The following CDH2 variants were observed in gnomAD, a reference collection of about 807,000 sequenced individuals.
CDH2 encodes cadherin 2.
In CDH2, 17 loss-of-function variants were observed where a neutral mutation model predicts 92.0. The ratio of observed to expected loss-of-function variants is 0.18; its 90% confidence interval spans 0.13 to 0.28. The LOEUF is 0.28. CDH2 is among the 10% of genes least tolerant of loss of function. The pLI is 1.00. For missense variants in CDH2, 862 were observed against 1,133.1 expected, an observed-to-expected ratio of 0.76 and a Z score of 3.44; for synonymous variants, 419 against 415.9, an observed-to-expected ratio of 1.01 and a Z score of -0.09.
At chr18:28,027,577 G>A (rs1163541259) in intron 2 of CDH2, among the ~76,000 whole-genome samples, 4 of 151,924 alleles carry the variant, frequency 2.6e-5, no homozygotes. Context: ...AATAATTATG[G>A]TATCAAAAAT....
intron 1 of CDH2, among the ~76,000 whole-genome samples, chr18:28,176,585 C>T (rs1010683370): frequency 6.6e-6 from 1 of 152,104 alleles, no homozygotes; most frequent in Non-Finnish European, 1.5e-5. Context: ...AAAATTGGAG[C>T]AAAGTACTAT....
Position 27,951,636 on chromosome 18 carries a change from C to CAA in CDH2, c.*515_*516dup, listed in dbSNP as rs1909460026. On this transcript the variant is annotated 3_prime_UTR_variant, in exon 16 of 16. Coordinates refer to ENST00000269141, the MANE Select transcript of CDH2 (RefSeq NM_001792.5). ...AAGATTTTAGTGAAAAAAAAAAAAA[C>CAA]AAACTAAAGTCTAAAACTAGAAGTA... 7.9e-6 allele frequency: 1 copy of CAA among 127,384 alleles called. No homozygotes were observed. 7.9% of individuals were successfully genotyped at this position (127,384 alleles called of 1,614,324 possible). A position where few individuals can be genotyped will look rare whatever the true frequency, so the allele number is the denominator to read the frequency against.
At chr18:28,076,813 T>C (rs2014729416) in intron 2 of CDH2, among the ~76,000 whole-genome samples, 1 of 151,870 alleles carries the variant, frequency 6.6e-6, no homozygotes, top group South Asian at 2.1e-4. Flanking sequence ...AACATTGTTT[T>C]CAGGAAATGT....
chr18:28,115,742 G>C (rs1202861977), intron 2 of CDH2, among the ~76,000 whole-genome samples: 1 of 152,064 alleles, frequency 6.6e-6, no homozygotes, highest in African/African-American at 2.4e-5. Flanking sequence ...ATGTCTATGT[G>C]AATTTTACGA....
chr18:27,962,940 C>T (rs12955716), intron 15 of CDH2, among the ~76,000 whole-genome samples: 28,559 of 152,046 alleles, frequency 0.19, 3,425 homozygotes, highest in Non-Finnish European at 0.26. Context: ...ACTGAATTCT[C>T]ACGATTTGTG....
At chr18:28,064,966 T>A (rs1374759241) in intron 2 of CDH2, among the ~76,000 whole-genome samples, 1 of 152,088 alleles carries the variant, frequency 6.6e-6, no homozygotes, top group East Asian at 1.9e-4. Context: ...TCTCAGCTTG[T>A]CCTTTCCAAG....
rs1358778776 is a variant in CDH2, at chr18:28,177,034, G to C, written c.-12C>G. 1 of 1,487,726 alleles carries C rather than the reference G, an allele frequency of 6.7e-7. No homozygotes were observed. The highest frequency in any genetic ancestry group is 2.1e-5 in the Admixed American group (1 of 47,162). 92.2% of individuals were successfully genotyped at this position (1,487,726 alleles called of 1,614,324 possible). On this transcript the variant is annotated 5_prime_UTR_variant, in exon 1 of 16. Coordinates refer to ENST00000269141, the MANE Select transcript of CDH2 (RefSeq NM_001792.5). Reference sequence around the variant, plus strand: ...GCTATCCGGCACATGGAGGCGGAGAGGGGCCGAGCGAAGAGCCGGAGGAGG... The same window carrying C: ...GCTATCCGGCACATGGAGGCGGAGACGGGCCGAGCGAAGAGCCGGAGGAGG...
intron 6 of CDH2, among the ~76,000 whole-genome samples, chr18:27,942,107 G>A (rs1259585473): frequency 1.3e-5 from 2 of 152,020 alleles, no homozygotes; most frequent in Admixed American, 6.6e-5. Flanking sequence ...TTTTTTATGA[G>A]GTAGGATAAA....
intron 7 of CDH2, among the ~76,000 whole-genome samples, chr18:28,001,792 C>G (rs1358421380): frequency 1.3e-5 from 2 of 152,208 alleles, no homozygotes; most frequent in Non-Finnish European, 2.9e-5. Flanking sequence ...TGTAGTGCCT[C>G]TAGCACTATT....
intron 2 of CDH2, among the ~76,000 whole-genome samples, chr18:28,095,964 G>A (rs904581043): frequency 3.9e-5 from 6 of 152,252 alleles, no homozygotes; most frequent in African/African-American, 1.2e-4. Context: ...GAATTATGGT[G>A]CATCCTAACA....
chr18:28,078,391 T>C (rs527568579), intron 2 of CDH2, among the ~76,000 whole-genome samples: 2 of 152,160 alleles, frequency 1.3e-5, no homozygotes, highest in South Asian at 2.1e-4. Context: ...TAATAGGGTA[T>C]CTGAACTTCA....
intron 14 of CDH2, among the ~76,000 whole-genome samples, chr18:27,978,293 G>C (rs959107662): frequency 6.6e-6 from 1 of 152,088 alleles, no homozygotes; most frequent in South Asian, 2.1e-4. Context: ...TTACCCTATT[G>C]GTTTCAAGAC....
intron 14 of CDH2, among the ~76,000 whole-genome samples, chr18:27,965,871 ATATT>A (rs2011520791): frequency 6.6e-6 from 1 of 151,190 alleles, no homozygotes; most frequent in African/African-American, 2.4e-5. Flanking sequence ...GTAGTCCCAG[ATATT>A]TATTTGGGAG....
intron 2 of CDH2, among the ~76,000 whole-genome samples, chr18:28,122,157 C>A (rs144655250): frequency 1.1e-3 from 161 of 152,228 alleles, no homozygotes; most frequent in Non-Finnish European, 1.7e-3. Context: ...CAATTGGCTT[C>A]ATCTAATTTA....
chr18:28,105,889 C>T (rs762773320), intron 2 of CDH2, among the ~76,000 whole-genome samples: 10 of 152,150 alleles, frequency 6.6e-5, no homozygotes, highest in Non-Finnish European at 1.0e-4. Flanking sequence ...ATTTACCAGA[C>T]AAAAACCTCT....
intron 7 of CDH2, among the ~76,000 whole-genome samples, chr18:27,996,396 C>A (rs2012581553): frequency 6.6e-6 from 1 of 152,116 alleles, no homozygotes; most frequent in Non-Finnish European, 1.5e-5. Flanking sequence ...ATGCACAAGA[C>A]AGGCCTCATA....
In CDH2 at chr18:28,049,366, T is replaced by C. The variant is rs946660750; in HGVS notation, c.173-35457A>G. The stretch of plus-strand genomic sequence containing the variant: ...GCTATTTCCAATTCATGTGTTACAA[T>C]GCTAAACACGCTCCTGAAACACTAC... On this transcript the variant is annotated intron_variant, in intron 2 of 15. Transcript: ENST00000269141. Among the ~76,000 whole-genome samples, 2 of 152,128 alleles carry C rather than the reference T, an allele frequency of 1.3e-5. 1 individual carries two copies. The highest frequency in any genetic ancestry group is 1.3e-4 in the Admixed American group (2 of 15,272).
chr18:27,965,609 T>C (rs1412178938), intron 14 of CDH2, among the ~76,000 whole-genome samples: 1 of 152,218 alleles, frequency 6.6e-6, no homozygotes, highest in African/African-American at 2.4e-5. Context: ...TGTGCTCCAT[T>C]TTCAATTTTA....
chr18:28,037,322 C>A (rs1453398449), intron 2 of CDH2, among the ~76,000 whole-genome samples: 1 of 152,130 alleles, frequency 6.6e-6, no homozygotes, highest in South Asian at 2.1e-4. Context: ...GATTTTTACA[C>A]ACCATGAAAC....
Sources: gnomAD v4.1 joint callset for allele counts (sites outside exome capture counted in the v4.1 genomes callset) on GRCh38, gnomAD v4.1.1 for gene constraint, MANE v1.5 for transcripts, NCBI Gene and HGNC (gene_info 2026-07-23, HGNC 2026-07-21) for gene names.